Variants in MYO9B observed in about 807,000 individuals in gnomAD.
MYO9B encodes the protein myosin IXB.
In MYO9B, 71 loss-of-function variants were observed where a neutral mutation model predicts 229.5. The observed-to-expected ratio is 0.31, with a 90% CI of 0.26 to 0.38. The LOEUF is 0.38. Ranked by LOEUF, MYO9B falls within the 10% of genes least tolerant of loss-of-function variation. MYO9B has a pLI of 1.00. For synonymous variants in MYO9B, 1,185 were observed against 1,235.8 expected, an observed-to-expected ratio of 0.96 and a Z score of 0.86; for missense variants, 2,255 against 2,920.5, an observed-to-expected ratio of 0.77 and a Z score of 5.25.
At chr19:17,107,880 G>A (rs1352424656) in intron 2 of MYO9B, among the ~76,000 whole-genome samples, 2 of 152,182 alleles carry the variant, frequency 1.3e-5, no homozygotes, top group Non-Finnish European at 2.9e-5. Context: ...CAGTTTCTGG[G>A]GGTGAGGATG....
Position 17,168,053 on chromosome 19 carries a change from C to T in MYO9B, c.1782C>T (p.Asp594=), listed in dbSNP as rs759937314. The T allele has an allele frequency of 5.0e-6, 8 of 1,612,582 alleles. No homozygotes were observed. In the African/African-American group the frequency reaches 9.3e-5, roughly 19 times the overall value. Residue 594 remains aspartate, a synonymous_variant, in exon 11 of 40, where the codon GAC becomes GAT. Transcript: ENST00000682292. ...KKPTGLFYLL[D]EESNFPHATS... ...CCACGGGCCTCTTCTACCTGCTGGA[C>T]GAGGAGAGCAAGTGAGTGTCCACAC...
chr19:17,082,090 T>A (rs2057538832), intron 1 of MYO9B, among the ~76,000 whole-genome samples: 1 of 152,196 alleles, frequency 6.6e-6, no homozygotes, highest in Non-Finnish European at 1.5e-5. Flanking sequence ...AAGAAGTTTC[T>A]GGAAGGTCTT....
intron 2 of MYO9B, among the ~76,000 whole-genome samples, chr19:17,115,991 A>G (rs998480291): frequency 6.7e-6 from 1 of 149,410 alleles, no homozygotes; most frequent in African/African-American, 2.5e-5. Context: ...GATGTCCCAC[A>G]GGGTTCGGCG....
intron 1 of MYO9B, among the ~76,000 whole-genome samples, chr19:17,077,279 CT>C (rs2057494150): frequency 6.6e-6 from 1 of 152,156 alleles, no homozygotes; most frequent in African/African-American, 2.4e-5. Context: ...GGAACCCCAG[CT>C]TATGTTTAGT....
In MYO9B at chr19:17,212,819, A is replaced by G. The variant is rs2073246660; in HGVS notation, c.*509A>G. 1 of 153,206 alleles carries G rather than the reference A, an allele frequency of 6.5e-6. No individual in the cohort carries two copies. The highest frequency in any genetic ancestry group is 2.1e-4 in the South Asian group (1 of 4,830). The allele number at this position is 153,206 out of a possible 1,614,324, so 9.5% of individuals were successfully genotyped here. On this transcript the variant is annotated 3_prime_UTR_variant, in exon 40 of 40. Transcript: ENST00000682292. The surrounding 1 kb of genome is among the most constrained non-coding windows in gnomAD (Gnocchi z 5.4). Reference sequence around the variant, plus strand: ...GGTGGCCAATGGGCTGGGACCCTCCATGAGAGTTTTGGACACTTGGGTCAC... The same window carrying G: ...GGTGGCCAATGGGCTGGGACCCTCCGTGAGAGTTTTGGACACTTGGGTCAC...
chr19:17,210,372 G>A lies in MYO9B; in HGVS notation c.5788G>A (p.Gly1930Arg), dbSNP rs749189748. 6.9e-6 allele frequency: 11 copies of A among 1,597,854 alleles called. No homozygotes were observed. The Admixed American group carries it at 1.7e-4, about 25-fold the overall frequency. The change falls in exon 37 of 40, where the codon GGG becomes AGG. Residue 1930 changes from glycine (G) to arginine (R), a missense_variant. Gly to Arg is a moderately radical substitution (Grantham distance 125, BLOSUM62 -2). Transcript: ENST00000682292. ...LKLGFSSPYE[G>R]VLNKSPKTRD... ...ACTGGGGTTTTCGTCTCCCTATGAG[G>A]GGGTCCTGGTATGTACGCGTTCGGT...
chr19:17,210,492 CG>C (rs1301366026), intron 37 of MYO9B, 112 bp downstream of exon 37: 1 of 1,357,398 alleles, frequency 7.4e-7, no homozygotes, highest in Non-Finnish European at 9.9e-7. Context: ...CCTAACCTTC[CG>C]GAAGTGCATG....
At chr19:17,200,464 C>T in intron 25 of MYO9B, 38 bp downstream of exon 25, 1 of 1,545,114 alleles carries the variant, frequency 6.5e-7, no homozygotes, top group Non-Finnish European at 8.7e-7. Context: ...ACAGTAGAGC[C>T]ACCAGTGCCC....
intron 1 of MYO9B, among the ~76,000 whole-genome samples, chr19:17,100,862 G>A (rs2057738482): frequency 6.6e-6 from 1 of 151,920 alleles, no homozygotes; most frequent in African/African-American, 2.4e-5. Flanking sequence ...AAGGACCCTG[G>A]AGTTTTGGGA....
chr19:17,090,573 G>A (rs976238680), intron 1 of MYO9B, among the ~76,000 whole-genome samples: 1 of 152,152 alleles, frequency 6.6e-6, no homozygotes, highest in South Asian at 2.1e-4. Context: ...GATCTTTATA[G>A]TCTGACAGTT....
intron 35 of MYO9B, chr19:17,207,767 T>C (rs1322593423): frequency 6.6e-6 from 1 of 152,094 alleles, no homozygotes; most frequent in Non-Finnish European, 1.5e-5. Context: ...ATCCAGCACT[T>C]TGGGAGACCG....
chr19:17,164,243 G>T, intron 10 of MYO9B, among the ~76,000 whole-genome samples: 1 of 152,194 alleles, frequency 6.6e-6, no homozygotes, highest in Non-Finnish European at 1.5e-5. Context: ...CCCAGGATGA[G>T]GCAAATGTCA....
chr19:17,108,191 G>A (rs2057811144), intron 2 of MYO9B, among the ~76,000 whole-genome samples: 1 of 152,176 alleles, frequency 6.6e-6, no homozygotes, highest in Admixed American at 6.5e-5. Flanking sequence ...CCTGCTTGGG[G>A]CCTCAGCAGC....
chr19:17,200,643 C>T lies in MYO9B; in HGVS notation c.4377C>T (p.Pro1459=). The change falls in exon 26 of 40, where the codon CCC becomes CCT. Residue 1459 remains proline, a synonymous_variant. Transcript: ENST00000682292. The stretch of plus-strand genomic sequence containing the variant: ...CTGCTTCCTGTCCCCCCTCAGCCCC[C>T]TCCGGACAGCAGCATCGCCACGCTG... ...ATTMKKGLEA[P]SGQQHRHAAG... 6.2e-7 allele frequency: 1 copy of T among 1,612,412 alleles called. No individual in the cohort carries two copies. The highest frequency in any genetic ancestry group is 8.5e-7 in the Non-Finnish European group (1 of 1,179,132).
intron 3 of MYO9B, among the ~76,000 whole-genome samples, chr19:17,148,622 C>T (rs113564725): frequency 0.026 from 3,903 of 152,232 alleles, 73 homozygotes; most frequent in South Asian, 0.051. Context: ...CTCACCCTGT[C>T]GCCCAGGCTG....
chr19:17,201,025 G>T (rs1014368961), intron 26 of MYO9B, among the ~76,000 whole-genome samples, 196 bp downstream of exon 26: 1 of 152,200 alleles, frequency 6.6e-6, no homozygotes, highest in African/African-American at 2.4e-5. Context: ...AATCACTTGG[G>T]CCCAGCAGTT....
At chr19:17,210,615 C>T in intron 37 of MYO9B, 100 bp from the exon 38 acceptor site, 1 of 1,393,862 alleles carries the variant, frequency 7.2e-7, no homozygotes, top group Non-Finnish European at 9.5e-7. Context: ...GAGCCCAGCA[C>T]ACTCACATCA....
At position 17,192,914 on chromosome 19, in the gene MYO9B, C is replaced by T. The variant is rs758092384; in HGVS notation, c.2980C>T (p.Arg994Trp). 1.0e-5 allele frequency: 16 copies of T among 1,550,026 alleles called. No homozygotes were observed. Among genetic ancestry groups the T allele is most frequent in the East Asian group, 7.3e-5 (3 of 40,918 alleles). ...CATCCAGGCCTGCTGGCGGTCCTAC[C>T]GGGTCCGGAGGGCGCTGGAGAGGAC... ...VTIQACWRSY[R>W]VRRALERTQA... Residue 994 changes from arginine (R) to tryptophan (W), a missense_variant, in exon 21 of 40, where the codon CGG (arginine) becomes TGG (tryptophan). Arg to Trp is a moderately radical substitution (Grantham distance 101, BLOSUM62 -3). Around this residue, in one of 7 missense-constraint regions of MYO9B, gnomAD observed 679 missense variants for 770.2 expected, o/e 0.88. Coordinates refer to ENST00000682292, the MANE Select transcript of MYO9B (RefSeq NM_004145.4).
At chr19:17,111,584 G>C (rs750450685) in intron 2 of MYO9B, among the ~76,000 whole-genome samples, 1 of 152,014 alleles carries the variant, frequency 6.6e-6, no homozygotes, top group Non-Finnish European at 1.5e-5. Context: ...CACCACCCCT[G>C]GCTAATTTTT....
Sources: gnomAD v4.1 joint callset for allele counts (sites outside exome capture counted in the v4.1 genomes callset) on GRCh38, gnomAD v4.1.1 for gene constraint, gnomAD v4.1.1 regional missense constraint, Gnocchi (gnomAD v3.1) non-coding constraint, MANE v1.5 for transcripts, NCBI Gene and HGNC (gene_info 2026-07-23, HGNC 2026-07-21) for gene names.